MYO3A: variants seen among roughly 807,000 people sequenced by gnomAD.
MYO3A encodes the protein myosin-IIIa.
MYO3A carries 180 observed loss-of-function variants against 192.7 expected under a neutral mutation model. That is an observed-to-expected ratio of 0.93 (90% confidence interval 0.83 to 1.06). The LOEUF is 1.06. MYO3A is among the 50% of genes least tolerant of loss of function. The probability of loss-of-function intolerance (pLI) is 0.00; values close to 1 mark genes in which losing one functional copy is unlikely to be tolerated. For synonymous variants in MYO3A, 628 were observed against 645.3 expected (o/e 0.97, Z 0.41); for missense variants, 1,896 against 1,905.0 (o/e 1.00, Z 0.09).
At chr10:26,084,865 G>C (rs1337512905) in intron 14 of MYO3A, among the ~76,000 whole-genome samples, 1 of 152,206 alleles carries the variant, frequency 6.6e-6, no homozygotes, top group Non-Finnish European at 1.5e-5. Flanking sequence ...CAAATGTTTG[G>C]TGGAATTCAG....
intron 17 of MYO3A, among the ~76,000 whole-genome samples, chr10:26,107,414 G>A (rs1268367745): frequency 1.3e-5 from 2 of 149,296 alleles, no homozygotes; most frequent in Admixed American, 6.8e-5. Flanking sequence ...CCGGGAAGCA[G>A]AGGTTGCAAC....
At chr10:25,939,448 A>G (rs945184158) in intron 2 of MYO3A, among the ~76,000 whole-genome samples, 4 of 151,898 alleles carry the variant, frequency 2.6e-5, no homozygotes, top group African/African-American at 4.8e-5. Context: ...TTGAGGCTAT[A>G]TATTTTCCTC....
intron 6 of MYO3A, among the ~76,000 whole-genome samples, chr10:26,007,720 A>G (rs1288764097): frequency 6.6e-6 from 1 of 150,822 alleles, no homozygotes; most frequent in East Asian, 1.9e-4. Flanking sequence ...CCACTGCTCA[A>G]GGAAATAAAA....
intron 4 of MYO3A, among the ~76,000 whole-genome samples, chr10:25,994,643 G>T (rs1840301105): frequency 6.6e-6 from 1 of 152,158 alleles, no homozygotes; most frequent in Non-Finnish European, 1.5e-5. Context: ...TGCAGTGGCT[G>T]GTACTGGTTG....
Position 26,006,183 on chromosome 10 carries a change from C to T in MYO3A, c.508+8925C>T, listed in dbSNP as rs953572423. On this transcript the variant is annotated intron_variant, in intron 6 of 34. Transcript: ENST00000642920. ...AAATAAAGATGTTCTTTGAAACCAA[C>T]GAGAACAAAGACACAACATACCAGA... Among the ~76,000 whole-genome samples, 19 of 151,976 alleles carry T rather than the reference C, an allele frequency of 1.3e-4. No individual in the cohort carries two copies. In the South Asian group the frequency reaches 2.5e-3, roughly 20 times the overall value.
At chr10:26,156,862 A>G (rs1841162872) in intron 25 of MYO3A, among the ~76,000 whole-genome samples, 1 of 152,170 alleles carries the variant, frequency 6.6e-6, no homozygotes, top group Non-Finnish European at 1.5e-5. Flanking sequence ...ACCCTCCAAT[A>G]AGCTCCAGTG....
intron 4 of MYO3A, among the ~76,000 whole-genome samples, chr10:25,983,599 T>C (rs992923165): frequency 5.3e-5 from 8 of 152,160 alleles, no homozygotes; most frequent in Admixed American, 3.9e-4. Context: ...TCCAAGAAAT[T>C]TGGGACTATG....
intron 4 of MYO3A, among the ~76,000 whole-genome samples, chr10:25,966,378 A>G (rs147784700): frequency 3.3e-5 from 5 of 152,334 alleles, no homozygotes; most frequent in East Asian, 3.9e-4. Context: ...ACACTCTGCC[A>G]TCATGGAACT....
intron 4 of MYO3A, among the ~76,000 whole-genome samples, chr10:25,959,885 A>G (rs1032712465): frequency 3.3e-5 from 5 of 151,846 alleles, no homozygotes; most frequent in Non-Finnish European, 7.4e-5. Context: ...ATATGTGATA[A>G]GAGGGTTTCG....
chr10:26,173,331 G>C (rs1458496168), intron 29 of MYO3A, among the ~76,000 whole-genome samples: 1 of 152,090 alleles, frequency 6.6e-6, no homozygotes, highest in African/African-American at 2.4e-5. Context: ...CACTACTAAA[G>C]GTACTTTGTT....
chr10:26,026,984 C>T (rs1448407540), intron 10 of MYO3A, among the ~76,000 whole-genome samples: 1 of 152,148 alleles, frequency 6.6e-6, no homozygotes, highest in Non-Finnish European at 1.5e-5. Context: ...ACAGGCGTGA[C>T]AGGCTGCACT....
chr10:26,045,362 G>A, intron 10 of MYO3A, among the ~76,000 whole-genome samples: 1 of 123,912 alleles, frequency 8.1e-6, no homozygotes, highest in South Asian at 2.7e-4. Flanking sequence ...TTGTATGGGT[G>A]GCATTAGATA....
intron 6 of MYO3A, among the ~76,000 whole-genome samples, chr10:25,998,285 T>G (rs1840576300): frequency 6.6e-6 from 1 of 152,200 alleles, no homozygotes; most frequent in South Asian, 2.1e-4. Flanking sequence ...AGTTAATGGG[T>G]TAATTTTTAA....
At chr10:26,077,238 T>TTTTTTGTTTTTG (rs1835641542) in intron 14 of MYO3A, among the ~76,000 whole-genome samples, 1 of 139,166 alleles carries the variant, frequency 7.2e-6, no homozygotes, top group Non-Finnish European at 1.5e-5. Context: ...CTAAGGTTTT[T>TTTTTTGTTTTTG]TTTTTTTTTT....
chr10:26,145,912 C>A (rs1001756670), intron 22 of MYO3A, among the ~76,000 whole-genome samples: 3 of 152,366 alleles, frequency 2.0e-5, no homozygotes, highest in Admixed American at 2.0e-4. Context: ...GTGAGATTAG[C>A]TGGCAATGGT....
chr10:26,177,132 G>C (rs1472584255), intron 31 of MYO3A, among the ~76,000 whole-genome samples: 1 of 151,918 alleles, frequency 6.6e-6, no homozygotes, highest in Non-Finnish European at 1.5e-5. Flanking sequence ...GGTATAGAGA[G>C]GGGGGCTGGC....
chr10:26,067,916 G>A (rs1027257161), intron 11 of MYO3A, among the ~76,000 whole-genome samples: 3 of 152,090 alleles, frequency 2.0e-5, no homozygotes, highest in Admixed American at 1.3e-4. Context: ...TCTGAATAGA[G>A]GTAGTCATTT....
chr10:26,125,532 A>G lies in MYO3A; in HGVS notation c.2038A>G (p.Lys680Glu). ...TACCGATGTCAGGGATGCCATGGCT[A>G]AAACTTTATATGGACGTCTCTTTAG... ...KATDVRDAMA[K>E]TLYGRLFSWI... is the part of the protein sequence containing the mutation. The change falls in exon 19 of 35, where the codon AAA becomes GAA. Residue 680 changes from lysine to glutamate, a missense_variant. By Grantham distance (56) the Lys-to-Glu change is moderately conservative (BLOSUM62 1). Transcript: ENST00000642920. 11 of 1,614,102 alleles carry G rather than the reference A, an allele frequency of 6.8e-6. No homozygotes were observed. The highest frequency in any genetic ancestry group is 9.3e-6 in the Non-Finnish European group (11 of 1,179,930).
rs528315416 is a variant in MYO3A, at chr10:26,010,399, G to T, written c.509-6421G>T. On this transcript the variant is annotated intron_variant, in intron 6 of 34. Coordinates refer to ENST00000642920, the MANE Select transcript of MYO3A (RefSeq NM_017433.5). ...TGTTATATGCAAAATGTCTGAATATGAATTTCTTGATGTGAAAGTATATAG... is the reference window on the plus strand; with the variant it reads ...TGTTATATGCAAAATGTCTGAATATTAATTTCTTGATGTGAAAGTATATAG... Among the ~76,000 whole-genome samples the T allele has an allele frequency of 5.0e-4, 75 of 149,028 alleles. 1 individual carries two copies. Among genetic ancestry groups the T allele is most frequent in the African/African-American group, 1.6e-3 (64 of 40,700 alleles).
Sources: gnomAD v4.1 joint callset for allele counts (sites outside exome capture counted in the v4.1 genomes callset) on GRCh38, gnomAD v4.1.1 for gene constraint, MANE v1.5 for transcripts, NCBI Gene and HGNC (gene_info 2026-07-23, HGNC 2026-07-21) for gene names.